Variants in SLC25A32 observed in about 807,000 individuals in gnomAD.
SLC25A32 encodes the protein solute carrier family 25 member 32.
A neutral mutation model predicts 39.0 loss-of-function variants in SLC25A32; 32 were observed. The ratio of observed to expected loss-of-function variants is 0.82; its 90% confidence interval spans 0.62 to 1.10. The LOEUF is 1.10. Among genes scored for constraint, SLC25A32 ranks in the 50% least tolerant of loss-of-function variants. The pLI is 0.00. For synonymous variants in SLC25A32, 166 were observed against 152.4 expected, an observed-to-expected ratio of 1.09 and a Z score of -0.66; for missense variants, 367 against 395.3, an observed-to-expected ratio of 0.93 and a Z score of 0.61.
chr8:103,412,562 T>G (rs1816488324), intron 1 of SLC25A32, among the ~76,000 whole-genome samples: 1 of 152,260 alleles, frequency 6.6e-6, no homozygotes, highest in African/African-American at 2.4e-5. Flanking sequence ...ACTGCCACAT[T>G]GCCAAACCAA....
chr8:103,406,065 G>GTATATATATATATATATATATA (rs1554628989), intron 2 of SLC25A32, among the ~76,000 whole-genome samples: 1 of 144,164 alleles, frequency 6.9e-6, no homozygotes, highest in African/African-American at 2.6e-5. Context: ...GTGTGTGTGT[G>GTATATATATATATATATATATA]TATATATATA....
chr8:103,401,678 A>C lies in SLC25A32; in HGVS notation c.667-17T>G. The C allele has an allele frequency of 1.3e-6, 2 of 1,554,786 alleles. No individual in the cohort carries two copies. The highest frequency in any genetic ancestry group is 1.7e-6 in the Non-Finnish European group (2 of 1,153,234). On this transcript the variant is annotated splice_polypyrimidine_tract_variant and intron_variant, in intron 5 of 6. Transcript: ENST00000297578. ...TACTGTGCTCTAAAATGGCAATACAAAACAGTTTTTTCTTTAGACAGGATT... is the reference window on the plus strand; with the variant it reads ...TACTGTGCTCTAAAATGGCAATACACAACAGTTTTTTCTTTAGACAGGATT...
At chr8:103,411,667 T>C (rs775471190) in intron 1 of SLC25A32, among the ~76,000 whole-genome samples, 1 of 152,198 alleles carries the variant, frequency 6.6e-6, no homozygotes, top group Non-Finnish European at 1.5e-5. Flanking sequence ...CTGCCCATCC[T>C]TAAATGCTGA....
At chr8:103,414,168 T>C (rs892827648) in intron 1 of SLC25A32, among the ~76,000 whole-genome samples, 13 of 152,268 alleles carry the variant, frequency 8.5e-5, no homozygotes, top group Admixed American at 2.0e-4. Context: ...AAGATCATCT[T>C]TGAAACTCTT....
chr8:103,406,391 CAAAGA>C (rs1816334147), intron 2 of SLC25A32, among the ~76,000 whole-genome samples: 1 of 152,122 alleles, frequency 6.6e-6, no homozygotes, highest in Non-Finnish European at 1.5e-5. Flanking sequence ...TCTGTTGAAG[CAAAGA>C]AAAGCTTCCT....
chr8:103,412,636 C>T (rs187701292), intron 1 of SLC25A32, among the ~76,000 whole-genome samples: 22 of 152,316 alleles, frequency 1.4e-4, no homozygotes, highest in East Asian at 7.7e-4. Flanking sequence ...CACAATAAGG[C>T]AGCCCCCTTT....
At chr8:103,413,467 G>GCA (rs917782493) in intron 1 of SLC25A32, among the ~76,000 whole-genome samples, 9 of 152,156 alleles carry the variant, frequency 5.9e-5, no homozygotes, top group African/African-American at 2.2e-4. Context: ...TGTGACTTGG[G>GCA]CAAGTTAGTC....
intron 1 of SLC25A32, among the ~76,000 whole-genome samples, chr8:103,409,066 T>C (rs879809447): frequency 6.6e-5 from 10 of 152,026 alleles, no homozygotes; most frequent in Non-Finnish European, 1.0e-4. Context: ...GCATGAGGGG[T>C]AGTTAAAAGG....
At chr8:103,410,992 G>T (rs1474208887) in intron 1 of SLC25A32, among the ~76,000 whole-genome samples, 2 of 151,974 alleles carry the variant, frequency 1.3e-5, no homozygotes, top group Non-Finnish European at 2.9e-5. Context: ...CTCTATATTG[G>T]TGTTTTTAAA....
At position 103,407,683 on chromosome 8, in the gene SLC25A32, T is replaced by A. The variant is rs750062219; in HGVS notation, c.256A>T (p.Thr86Ser). ...DGLRGLYQGV[T>S]PNIWGAGLSW... Reference sequence around the variant, plus strand: ...AAACCTGCACCCCATATATTTGGGGTTACTCCTTGATAAAGTCCCCGTAGT... The same window carrying A: ...AAACCTGCACCCCATATATTTGGGGATACTCCTTGATAAAGTCCCCGTAGT... The change falls in exon 2 of 7, where the codon ACC (threonine) becomes TCC (serine). Residue 86 changes from threonine (T) to serine (S), a missense_variant. Coordinates refer to ENST00000297578, the MANE Select transcript of SLC25A32 (RefSeq NM_030780.5). 13 of 1,610,868 alleles carry A rather than the reference T, an allele frequency of 8.1e-6. No individual in the cohort carries two copies. The South Asian group carries it at 1.1e-4, about 14-fold the overall frequency.
intron 1 of SLC25A32, among the ~76,000 whole-genome samples, chr8:103,411,877 C>CT (rs541399659): frequency 1.3e-5 from 2 of 152,166 alleles, no homozygotes; most frequent in Non-Finnish European, 2.9e-5. Flanking sequence ...TGGAATCATT[C>CT]TTTATTTCCA....
At chr8:103,413,805 T>C (rs1816521339) in intron 1 of SLC25A32, among the ~76,000 whole-genome samples, 1 of 152,346 alleles carries the variant, frequency 6.6e-6, no homozygotes, top group East Asian at 1.9e-4. Flanking sequence ...CAAGCCCCAA[T>C]CTTCCACTGA....
At position 103,407,506 on chromosome 8, in the gene SLC25A32, C is replaced by T. The variant is rs140355337; in HGVS notation, c.305+128G>A. 2.5e-5 allele frequency: 19 copies of T among 748,744 alleles called. 1 individual carries two copies. The Middle Eastern group carries it at 2.9e-3, about 113-fold the overall frequency. The allele number at this position is 748,744 out of a possible 1,614,324, so 46.4% of individuals were successfully genotyped here. ...TAACTAATCAGCCATTTTGTTCTTC[C>T]TGATCCTTCCAATTCAGAGAAACTG... On this transcript the variant is annotated intron_variant, in intron 2 of 6. Coordinates refer to ENST00000297578, the MANE Select transcript of SLC25A32 (RefSeq NM_030780.5).
intron 5 of SLC25A32, 135 bp from the exon 6 acceptor site, chr8:103,401,796 T>C: frequency 1.0e-6 from 1 of 962,568 alleles, no homozygotes; most frequent in East Asian, 2.7e-5. Flanking sequence ...GGCTTCAGCC[T>C]ATAAATATTT....
chr8:103,414,712 G>A (rs1390929247), intron 1 of SLC25A32, 72 bp downstream of exon 1: 4 of 1,594,342 alleles, frequency 2.5e-6, no homozygotes, highest in East Asian at 2.2e-5. Flanking sequence ...CCCCTAGAAC[G>A]GAAAAGACGG....
intron 5 of SLC25A32, 51 bp from the exon 6 acceptor site, chr8:103,401,712 A>T: frequency 6.8e-7 from 1 of 1,460,032 alleles, no homozygotes; most frequent in Non-Finnish European, 9.3e-7. Flanking sequence ...TTTCTTTAAA[A>T]ATACAGAAGT....
intron 6 of SLC25A32, 175 bp downstream of exon 6, chr8:103,401,341 G>A (rs1037057734): frequency 6.4e-6 from 3 of 469,886 alleles, no homozygotes; most frequent in African/African-American, 4.0e-5. Context: ...AAGAAATTAA[G>A]TCTCAGAGAG....
intron 1 of SLC25A32, among the ~76,000 whole-genome samples, chr8:103,412,327 C>T (rs1022096475): frequency 3.9e-5 from 6 of 152,198 alleles, no homozygotes; most frequent in African/African-American, 1.4e-4. Context: ...CTTTAACTTG[C>T]AGATTAGGCT....
At position 103,400,236 on chromosome 8, in the gene SLC25A32, A is replaced by G; in HGVS notation, c.*175T>C. 1.9e-6 allele frequency: 1 copy of G among 535,688 alleles called. No homozygotes were observed. The highest frequency in any genetic ancestry group is 2.8e-6 in the Non-Finnish European group (1 of 353,598). 33.2% of individuals were successfully genotyped at this position (535,688 alleles called of 1,614,324 possible). ...TAGCCAAGTTCCATATATATGGGGA[A>G]GGCAAAAAGCAAGAAAAACATTGCA... On this transcript the variant is annotated 3_prime_UTR_variant, in exon 7 of 7. Transcript: ENST00000297578.
Sources: gnomAD v4.1 joint callset for allele counts (sites outside exome capture counted in the v4.1 genomes callset) on GRCh38, gnomAD v4.1.1 for gene constraint, MANE v1.5 for transcripts, NCBI Gene and HGNC (gene_info 2026-07-23, HGNC 2026-07-21) for gene names.